The following LYST variants were observed in gnomAD, a reference collection of about 807,000 sequenced individuals.
LYST encodes lysosomal-trafficking regulator.
Under a neutral mutation model 413.6 loss-of-function variants are expected in LYST, and 192 were observed. The ratio of observed to expected loss-of-function variants is 0.46; its 90% CI spans 0.41 to 0.52. The LOEUF (loss-of-function observed/expected upper bound fraction) is 0.52, where lower values mean the gene tolerates loss of function less well. LYST is among the 20% of genes least tolerant of loss of function. The pLI is 0.00. For synonymous variants in LYST, 1,525 were observed against 1,567.3 expected (o/e 0.97, Z 0.64); for missense variants, 3,815 against 4,499.9 (o/e 0.85, Z 4.35).
rs370339994 is a variant in LYST at position 235,851,975 on chromosome 1, T to C, written c.-98+14868A>G. ...ATTGACTACTCACCATACTTCGTGG[T>C]ATGTTCAACTTTCATTGAATCTATT... On this transcript the variant is annotated intron_variant, in intron 1 of 52. Transcript: ENST00000389793. Among the ~76,000 whole-genome samples the C allele has an allele frequency of 3.9e-5, 6 of 152,372 alleles. No individual in the cohort carries two copies. In the East Asian group the frequency reaches 1.2e-3, roughly 29 times the overall value.
chr1:235,717,540 A>C (rs1368541490), intron 40 of LYST, among the ~76,000 whole-genome samples: 1 of 152,060 alleles, frequency 6.6e-6, no homozygotes, highest in Admixed American at 6.5e-5. Context: ...CAAAAGAAAA[A>C]GCTCTGATGA....
intron 20 of LYST, 89 bp from the exon 21 acceptor site, chr1:235,766,366 T>C: frequency 3.2e-6 from 3 of 941,766 alleles, no homozygotes; most frequent in Non-Finnish European, 4.9e-6. Flanking sequence ...CTTTTTAAGA[T>C]AGAATTCTGT....
intron 42 of LYST, 152 bp downstream of exon 42, chr1:235,715,049 G>A (rs993866343): frequency 2.4e-5 from 17 of 719,074 alleles, no homozygotes; most frequent in Non-Finnish European, 3.7e-5. Flanking sequence ...GCTTTTTTGA[G>A]GAGCACTTTG....
intron 43 of LYST, 82 bp downstream of exon 43, chr1:235,711,975 A>G: frequency 1.7e-6 from 2 of 1,178,228 alleles, no homozygotes; most frequent in South Asian, 3.3e-5. Flanking sequence ...TAGGACTTAA[A>G]AAAGCTATTT....
intron 46 of LYST, among the ~76,000 whole-genome samples, chr1:235,695,511 T>C (rs1269515696): frequency 6.6e-6 from 1 of 152,218 alleles, no homozygotes; most frequent in African/African-American, 2.4e-5. Context: ...TTCATGACTG[T>C]AGTGGCACAA....
In LYST at chr1:235,777,271, G is replaced by A. The variant is rs1189345158; in HGVS notation, c.5252C>T (p.Ala1751Val). ...LSVVYTTYCP[A>V]QYTIYEPVIR... ...CACTGGTTCATAGATGGTATACTGA[G>A]CAGGACAGTAAGTTGTATAAACAAC... is the stretch of plus-strand genomic sequence containing the variant. The change falls in exon 17 of 53, where the codon GCT becomes GTT. Residue 1751 changes from alanine to valine, a missense_variant. Coordinates refer to ENST00000389793, the MANE Select transcript of LYST (RefSeq NM_000081.4). 2 of 1,612,118 alleles carry A rather than the reference G, an allele frequency of 1.2e-6. No individual in the cohort carries two copies. Among genetic ancestry groups the A allele is most frequent in the Non-Finnish European group, 8.5e-7 (1 of 1,178,328 alleles).
rs145183349 is a variant in LYST, at chr1:235,836,439, T to C, written c.-97-2772A>G. ...GACAGGAATGCTGTTTCAGATAGGA[T>C]GGACAAGGAAGGTCTGAAGCAGTAA... On this transcript the variant is annotated intron_variant, in intron 1 of 52. Transcript: ENST00000389793. 4.4e-3 allele frequency among the ~76,000 whole-genome samples: 671 copies of C among 152,256 alleles called. 6 individuals are homozygous for C. The highest frequency in any genetic ancestry group is 0.015 in the African/African-American group (641 of 41,548).
At chr1:235,847,662 T>A (rs552403287) in intron 1 of LYST, among the ~76,000 whole-genome samples, 15 of 152,318 alleles carry the variant, frequency 9.8e-5, no homozygotes, top group African/African-American at 3.6e-4. Context: ...GATACTCACC[T>A]AACACATAAG....
rs576603770 is a variant in LYST at position 235,804,398 on chromosome 1, C to T, written c.3555+106G>A. Reference sequence around the variant, plus strand: ...TCCACTGAACTCATCTGACCAAGTCCTAGTCCATATGCTCTAATGACATTC... The same window carrying T: ...TCCACTGAACTCATCTGACCAAGTCTTAGTCCATATGCTCTAATGACATTC... On this transcript the variant is annotated intron_variant, in intron 7 of 52. Transcript: ENST00000389793. The T allele has an allele frequency of 1.9e-5, 17 of 879,122 alleles. No individual in the cohort carries two copies. In the East Asian group the frequency reaches 2.9e-4, roughly 15 times the overall value. The allele number at this position is 879,122 out of a possible 1,614,324, so 54.5% of individuals were successfully genotyped here. A position where few individuals can be genotyped will look rare whatever the true frequency, so the allele number is the denominator to read the frequency against.
At chr1:235,878,857 T>C (rs1473875054) in intron 1 of LYST, among the ~76,000 whole-genome samples, 2 of 152,228 alleles carry the variant, frequency 1.3e-5, no homozygotes, top group Non-Finnish European at 2.9e-5. Context: ...GGCAATCTAA[T>C]GAACACAGTT....
chr1:235,760,642 T>A (rs547502542), intron 22 of LYST, among the ~76,000 whole-genome samples: 2 of 152,164 alleles, frequency 1.3e-5, no homozygotes. Context: ...TGATACAGAA[T>A]GTATGAGAGA....
rs185669795 is a variant in LYST at position 235,828,210 on chromosome 1, G to A, written c.192+2016C>T. ...TTAAAAGACATTTCATGACATAAAA[G>A]AGAAAGCATAAAATCTGGAGAGATA... is the stretch of plus-strand genomic sequence containing the variant. On this transcript the variant is annotated intron_variant, in intron 3 of 52. Coordinates refer to ENST00000389793, the MANE Select transcript of LYST (RefSeq NM_000081.4). 5.3e-4 allele frequency: 492 copies of A among 925,802 alleles called. 4 individuals are homozygous for A. The African/African-American group carries it at 7.9e-3, about 15-fold the overall frequency. 57.3% of individuals were successfully genotyped at this position (925,802 alleles called of 1,614,324 possible).
chr1:235,707,140 T>A (rs1445258165), intron 44 of LYST, among the ~76,000 whole-genome samples: 1 of 152,160 alleles, frequency 6.6e-6, no homozygotes, highest in Non-Finnish European at 1.5e-5. Context: ...GCGGCCTCAT[T>A]TGGACTCTAC....
At chr1:235,843,565 C>T (rs1677457497) in intron 1 of LYST, among the ~76,000 whole-genome samples, 1 of 152,068 alleles carries the variant, frequency 6.6e-6, no homozygotes, top group Non-Finnish European at 1.5e-5. Flanking sequence ...ACTAGCTGCA[C>T]ACCTTATGAC....
chr1:235,706,929 G>A (rs1328470412), intron 44 of LYST, among the ~76,000 whole-genome samples: 1 of 152,150 alleles, frequency 6.6e-6, no homozygotes, highest in Non-Finnish European at 1.5e-5. Flanking sequence ...GCCTAAATAA[G>A]CTCAGATATG....
intron 13 of LYST, among the ~76,000 whole-genome samples, 194 bp from the exon 14 acceptor site, chr1:235,787,567 C>G (rs1478103965): frequency 1.3e-5 from 2 of 152,000 alleles, no homozygotes; most frequent in Non-Finnish European, 2.9e-5. Context: ...TACCTCAATT[C>G]ATGAACTAAA....
At position 235,799,089 on chromosome 1, in the gene LYST, T is replaced by G. The variant is rs143063208; in HGVS notation, c.4006+1231A>C. ...ACATATTCAGATCACAAGGGTTCAC[T>G]AAGTGTCTAGCAAAATAATAAAAAT... On this transcript the variant is annotated intron_variant, in intron 10 of 52. Transcript: ENST00000389793. 2.2e-3 allele frequency among the ~76,000 whole-genome samples: 337 copies of G among 152,290 alleles called. 3 individuals carry two copies. Among genetic ancestry groups the G allele is most frequent in the East Asian group, 0.021 (107 of 5,190 alleles).
At chr1:235,677,013 C>G in intron 50 of LYST, 78 bp downstream of exon 50, 1 of 987,634 alleles carries the variant, frequency 1.0e-6, no homozygotes, top group South Asian at 1.3e-5. Flanking sequence ...GAGAATGGCT[C>G]GACCTAGGAG....
At chr1:235,838,985 CT>C (rs1323894159) in intron 1 of LYST, among the ~76,000 whole-genome samples, 1 of 152,116 alleles carries the variant, frequency 6.6e-6, no homozygotes, top group Non-Finnish European at 1.5e-5. Context: ...TCCCCCACCC[CT>C]GCGCCCTTTC....
Sources: allele counts gnomAD v4.1 joint callset (sites outside exome capture counted in the v4.1 genomes callset), GRCh38; gene constraint gnomAD v4.1.1; transcripts MANE v1.5; gene names NCBI Gene and HGNC (gene_info 2026-07-23, HGNC 2026-07-21).